The following KICS2 variants were observed in gnomAD, a reference collection of about 807,000 sequenced individuals.
The protein encoded by KICS2 is KICSTOR subunit 2, also known as KICSTOR complex protein C12orf66.
Under a neutral mutation model 31.4 loss-of-function variants are expected in KICS2, and 13 were observed. The observed-to-expected ratio is 0.41, with a 90% CI of 0.27 to 0.66. The LOEUF is 0.66. Ranked by LOEUF, KICS2 falls within the 30% of genes least tolerant of loss-of-function variation. The pLI is 0.28. For synonymous variants in KICS2, 209 were observed against 214.8 expected (o/e 0.97, Z 0.24); for missense variants, 455 against 545.4 (o/e 0.83, Z 1.65).
intron 2 of KICS2, among the ~76,000 whole-genome samples, chr12:64,214,436 G>A (rs1332727181): frequency 1.3e-5 from 2 of 152,178 alleles, no homozygotes; most frequent in African/African-American, 4.8e-5. Flanking sequence ...ACTTAAAGAT[G>A]AGAAGATAAC....
intron 1 of KICS2, 29 bp from the exon 2 acceptor site, chr12:64,215,992 CAAGT>C (rs2136706500): frequency 6.3e-7 from 1 of 1,583,506 alleles, no homozygotes; most frequent in South Asian, 1.1e-5. Flanking sequence ...AAGCACATGA[CAAGT>C]AAGAAGGAGA....
chr12:64,193,592 A>G lies in KICS2; in HGVS notation c.*250T>C. ...CAAGAAATATAGCAAAATAGGGGAA[A>G]ATACTGAAACTACTTTGCTGTACCA... On this transcript the variant is annotated 3_prime_UTR_variant, in exon 3 of 3. Coordinates refer to ENST00000398055, the MANE Select transcript of KICS2 (RefSeq NM_152440.5). 5.7e-6 allele frequency: 7 copies of G among 1,237,914 alleles called. No homozygotes were observed. The highest frequency in any genetic ancestry group is 7.1e-6 in the Non-Finnish European group (7 of 990,620). 76.7% of individuals were successfully genotyped at this position (1,237,914 alleles called of 1,614,324 possible). A position where few individuals can be genotyped will look rare whatever the true frequency, so the allele number is the denominator to read the frequency against.
At chr12:64,196,236 C>A (rs1262427827) in intron 2 of KICS2, among the ~76,000 whole-genome samples, 1 of 151,890 alleles carries the variant, frequency 6.6e-6, no homozygotes, top group Non-Finnish European at 1.5e-5. Context: ...GCTCTCCCAG[C>A]ACGCAGCTGG....
chr12:64,193,840 T>C lies in KICS2; in HGVS notation c.*2A>G. On this transcript the variant is annotated 3_prime_UTR_variant, in exon 3 of 3. Transcript: ENST00000398055. ...TTGAAACCCCTCCACGCAAATCACC[T>C]GCTAACCTTTGGCTCCAGGTTTCAG... is the stretch of plus-strand genomic sequence containing the variant. 1.1e-5 allele frequency: 17 copies of C among 1,610,488 alleles called. No homozygotes were observed. The highest frequency in any genetic ancestry group is 1.4e-5 in the Non-Finnish European group (17 of 1,178,072).
chr12:64,192,851 G>A lies in KICS2; in HGVS notation c.*991C>T, dbSNP rs7972885. The A allele has an allele frequency of 1.9e-3, 1,848 of 985,420 alleles. 28 individuals carry two copies. The African/African-American group carries it at 0.027, about 14-fold the overall frequency. 61.0% of individuals were successfully genotyped at this position (985,420 alleles called of 1,614,324 possible). ...AGTTCAGAAGTGCTTAAGTACTGAG[G>A]TGATTACTCAACTATGAAGAGGTCT... On this transcript the variant is annotated 3_prime_UTR_variant, in exon 3 of 3. Coordinates refer to ENST00000398055, the MANE Select transcript of KICS2 (RefSeq NM_152440.5).
rs201997850 is a variant in KICS2 at position 64,222,067 on chromosome 12, G to C, written c.171C>G (p.Ala57=). ...TCTCGGCCGCGGCCAGGTGCGCCAA[G>C]GCCGCCAGCAGCGACAGCCAGCTGC... ...AGGSWLSLLA[A]LAHLAAAEKV... is the part of the protein sequence containing the mutation. The change falls in exon 1 of 3, where the codon GCC becomes GCG. Residue 57 remains alanine (A), a synonymous_variant. Transcript: ENST00000398055. 1.9e-5 allele frequency: 31 copies of C among 1,613,750 alleles called. No homozygotes were observed. The African/African-American group carries it at 3.2e-4, about 17-fold the overall frequency.
chr12:64,187,519 A>T, downstream of KICS2: 1 of 955,472 alleles, frequency 1.0e-6, no homozygotes, highest in Non-Finnish European at 1.6e-6. Context: ...TTACGGATTT[A>T]CACCATATCA....
intron 2 of KICS2, among the ~76,000 whole-genome samples, chr12:64,202,883 A>C (rs577122781): frequency 2.6e-5 from 4 of 151,996 alleles, no homozygotes. Context: ...GGGACCCTAG[A>C]TAAGTGAGCA....
intron 2 of KICS2, among the ~76,000 whole-genome samples, chr12:64,213,857 T>C (rs1468584951): frequency 2.0e-5 from 3 of 152,170 alleles, no homozygotes; most frequent in African/African-American, 7.2e-5. Context: ...AATATTATCA[T>C]TAGAGGGGCA....
chr12:64,187,580 C>T (rs772990904), downstream of KICS2: 6 of 1,498,678 alleles, frequency 4.0e-6, no homozygotes, highest in South Asian at 7.2e-5. Flanking sequence ...TCTTCTGACT[C>T]ATTTCCTCTG....
downstream of KICS2, chr12:64,187,374 C>G: frequency 2.0e-6 from 1 of 500,932 alleles, no homozygotes; most frequent in Non-Finnish European, 3.5e-6. Context: ...AAGGGGGAAC[C>G]CATTTGCATC....
chr12:64,213,070 A>T (rs2037597321), intron 2 of KICS2, among the ~76,000 whole-genome samples: 1 of 151,082 alleles, frequency 6.6e-6, no homozygotes, highest in Non-Finnish European at 1.5e-5. Context: ...CGCCTGGGCA[A>T]CAGAGCGAGA....
chr12:64,192,619 T>A lies in KICS2; in HGVS notation c.*1223A>T, dbSNP rs2136685477. The A allele has an allele frequency of 1.0e-6, 1 of 985,366 alleles. No individual in the cohort carries two copies. Among genetic ancestry groups the A allele is most frequent in the South Asian group, 4.7e-5 (1 of 21,288 alleles). The allele number at this position is 985,366 out of a possible 1,614,324, so 61.0% of individuals were successfully genotyped here. On this transcript the variant is annotated 3_prime_UTR_variant, in exon 3 of 3. Transcript: ENST00000398055. ...TTTCACACAAGCTTCAAAGGAACCA[T>A]CAAACCAGTAACAACTCAATTACTC...
rs1295023081 is a variant in KICS2, at chr12:64,215,879, C to G, written c.320G>C (p.Gly107Ala). The change falls in exon 2 of 3, where the codon GGC (glycine) becomes GCC (alanine). Residue 107 changes from glycine to alanine, a missense_variant. Coordinates refer to ENST00000398055, the MANE Select transcript of KICS2 (RefSeq NM_152440.5). The stretch of plus-strand genomic sequence containing the variant: ...AGCAGTCCCACCCAGGGCACCACGG[C>G]CAGTCACCACCTTCTTCAGCTCATT... ...LHNELKKVVT[G>A]RGALGGTAPH... 1 of 1,613,752 alleles carries G rather than the reference C, an allele frequency of 6.2e-7. No individual in the cohort carries two copies. Among genetic ancestry groups the G allele is most frequent in the Non-Finnish European group, 8.5e-7 (1 of 1,179,892 alleles).
chr12:64,210,186 T>G (rs2037570961), intron 2 of KICS2, among the ~76,000 whole-genome samples: 1 of 152,176 alleles, frequency 6.6e-6, no homozygotes, highest in African/African-American at 2.4e-5. Flanking sequence ...ACCCAAAGCC[T>G]CTAATTTAGA....
intron 2 of KICS2, among the ~76,000 whole-genome samples, chr12:64,212,962 A>T (rs2037595818): frequency 6.6e-6 from 1 of 151,740 alleles, no homozygotes. Context: ...ATAGTGGTGC[A>T]CACCTGTGGT....
chr12:64,219,176 T>C (rs1423795214), intron 1 of KICS2, among the ~76,000 whole-genome samples: 2 of 152,226 alleles, frequency 1.3e-5, no homozygotes, highest in Non-Finnish European at 2.9e-5. Flanking sequence ...GGGCATTTTA[T>C]TCTCCAACTT....
downstream of KICS2, chr12:64,187,563 G>A (rs183400406): frequency 1.4e-6 from 2 of 1,397,138 alleles, no homozygotes; most frequent in East Asian, 2.5e-5. Context: ...TGCACATCAA[G>A]CCTATTTCTT....
downstream of KICS2, among the ~76,000 whole-genome samples, chr12:64,187,902 T>C (rs923211602): frequency 6.6e-6 from 1 of 152,106 alleles, no homozygotes; most frequent in African/African-American, 2.4e-5. Flanking sequence ...AAGATTTTAG[T>C]TTTGAGTAAC....
Sources: gnomAD v4.1 joint callset for allele counts (sites outside exome capture counted in the v4.1 genomes callset) on GRCh38, gnomAD v4.1.1 for gene constraint, MANE v1.5 for transcripts, NCBI Gene and HGNC (gene_info 2026-07-23, HGNC 2026-07-21) for gene names.